Variants in NDUFAF6 observed in about 807,000 individuals in gnomAD.
The protein encoded by NDUFAF6 is NADH:ubiquinone oxidoreductase complex assembly factor 6.
Under a neutral mutation model 40.8 loss-of-function variants are expected in NDUFAF6, and 45 were observed. The ratio of observed to expected loss-of-function variants is 1.10; its 90% CI spans 0.87 to 1.42. The LOEUF (loss-of-function observed/expected upper bound fraction) is 1.42. Ranked by LOEUF, NDUFAF6 falls within the 40% of genes most tolerant of loss-of-function variation. The pLI, the probability that NDUFAF6 is intolerant of heterozygous loss-of-function variation, is 0.00. For missense variants in NDUFAF6, 435 were observed against 418.5 expected, an observed-to-expected ratio of 1.04 and a Z score of -0.34; for synonymous variants, 185 against 155.9, an observed-to-expected ratio of 1.19 and a Z score of -1.39.
intron 2 of NDUFAF6, among the ~76,000 whole-genome samples, chr8:95,006,142 G>A (rs938060176): frequency 3.9e-5 from 6 of 152,060 alleles, no homozygotes; most frequent in Non-Finnish European, 8.8e-5. Flanking sequence ...CAGATCACTT[G>A]AGGTCAGGAG....
chr8:94,917,616 TCA>T (rs954796001), intron 1 of NDUFAF6, among the ~76,000 whole-genome samples: 22 of 152,168 alleles, frequency 1.4e-4, no homozygotes, highest in African/African-American at 5.3e-4. Flanking sequence ...AAAGAATCTC[TCA>T]GTCTTAGAAA....
upstream of NDUFAF6, among the ~76,000 whole-genome samples, chr8:94,954,344 A>C (rs1822890604): frequency 6.6e-6 from 1 of 152,208 alleles, no homozygotes; most frequent in African/African-American, 2.4e-5. Flanking sequence ...TACAGGCATG[A>C]ACCACCACAC....
At chr8:94,907,461 G>C (rs1184509752) in intron 1 of NDUFAF6, among the ~76,000 whole-genome samples, 1 of 152,194 alleles carries the variant, frequency 6.6e-6, no homozygotes, top group African/African-American at 2.4e-5. Flanking sequence ...CTAGAAAAGG[G>C]TAGAGCTCAA....
intron 1 of NDUFAF6, among the ~76,000 whole-genome samples, chr8:94,959,678 A>G (rs1292370858): frequency 6.6e-6 from 1 of 151,944 alleles, no homozygotes; most frequent in Non-Finnish European, 1.5e-5. Context: ...CTACAGGTGC[A>G]TACCACCATG....
chr8:94,994,656 A>T (rs1390166688), intron 2 of NDUFAF6, among the ~76,000 whole-genome samples: 1 of 152,166 alleles, frequency 6.6e-6, no homozygotes, highest in Non-Finnish European at 1.5e-5. Context: ...CAACACAGTG[A>T]GACCCTGTCT....
intron 1 of NDUFAF6, among the ~76,000 whole-genome samples, chr8:94,906,002 G>T (rs1456559609): frequency 6.6e-6 from 1 of 152,112 alleles, no homozygotes; most frequent in Non-Finnish European, 1.5e-5. Flanking sequence ...TTAAAAAATT[G>T]TTTATATTTT....
upstream of NDUFAF6, among the ~76,000 whole-genome samples, chr8:94,953,818 TTTC>T (rs1348932090): frequency 1.3e-5 from 2 of 152,246 alleles, no homozygotes; most frequent in Non-Finnish European, 2.9e-5. Context: ...TTCTTTTTTT[TTTC>T]TTTTTGCATG....
At chr8:94,909,348 CAAAAAAAAAAAAAAAAAAAAAA>C (rs556065794) in intron 1 of NDUFAF6, among the ~76,000 whole-genome samples, 25 of 91,926 alleles carry the variant, frequency 2.7e-4, no homozygotes, top group African/African-American at 7.1e-4. Context: ...GACTCCGTCT[CAAAAAAAAAAAAAAAAAAAAAA>C]AAAAAAAAAA....
intron 8 of NDUFAF6, among the ~76,000 whole-genome samples, chr8:95,052,574 G>A (rs1831564545): frequency 6.6e-6 from 1 of 152,130 alleles, no homozygotes; most frequent in Admixed American, 6.6e-5. Flanking sequence ...ACTACTTTGT[G>A]GGATTGTTAG....
intron 1 of NDUFAF6, among the ~76,000 whole-genome samples, chr8:94,912,551 C>CT (rs1818848680): frequency 6.6e-6 from 1 of 151,968 alleles, no homozygotes; most frequent in African/African-American, 2.4e-5. Flanking sequence ...AATCCCAGCA[C>CT]TTTGGGAGGC....
At chr8:94,932,931 T>C (rs1820567593) in intron 1 of NDUFAF6, among the ~76,000 whole-genome samples, 1 of 152,256 alleles carries the variant, frequency 6.6e-6, no homozygotes, top group Non-Finnish European at 1.5e-5. Context: ...ATTCAGTGCA[T>C]TCTGGCCGAG....
At chr8:94,953,672 G>C (rs1474223254), upstream of NDUFAF6, among the ~76,000 whole-genome samples, 1 of 152,224 alleles carries the variant, frequency 6.6e-6, no homozygotes, top group Non-Finnish European at 1.5e-5. Context: ...ATCATGAATT[G>C]CTTTGTTAGG....
chr8:95,052,123 AGT>A (rs1426684295), intron 7 of NDUFAF6, 49 bp from the exon 8 acceptor site: 6 of 1,548,584 alleles, frequency 3.9e-6, no homozygotes, highest in East Asian at 2.2e-5. Context: ...TCAGAGGGAG[AGT>A]GTTTATTTGC....
chr8:95,006,866 G>A (rs1159278224), intron 2 of NDUFAF6, among the ~76,000 whole-genome samples: 2 of 151,948 alleles, frequency 1.3e-5, no homozygotes, highest in African/African-American at 4.8e-5. Flanking sequence ...CTGGGTAACA[G>A]AACCAGACTT....
chr8:95,082,150 A>G (rs1050730796), intron 2 of NDUFAF6, among the ~76,000 whole-genome samples: 4 of 152,044 alleles, frequency 2.6e-5, no homozygotes, highest in African/African-American at 9.7e-5. Context: ...AAATAACTGA[A>G]GTAAGAGGAA....
At chr8:95,056,245 T>G (rs1305672120) in intron 8 of NDUFAF6, among the ~76,000 whole-genome samples, 2 of 151,886 alleles carry the variant, frequency 1.3e-5, no homozygotes, top group Non-Finnish European at 2.9e-5. Flanking sequence ...TTTTTTTTTT[T>G]GAGATGGGGT....
Position 95,057,864 on chromosome 8 carries a change from A to C in NDUFAF6, c.929A>C (p.His310Pro). The part of the protein sequence containing the change: ...KIQRVDFDIF[H>P]PSLQQKNTLL... ...CAGCGAGTGGATTTTGATATATTCCACCCATCTTTACAGCAGAAGAATACA... is the reference window on the plus strand; with the variant it reads ...CAGCGAGTGGATTTTGATATATTCCCCCCATCTTTACAGCAGAAGAATACA... The change falls in exon 9 of 9, where the codon CAC becomes CCC. Residue 310 changes from histidine to proline, a missense_variant. Physicochemically the swap from His to Pro is moderately conservative, Grantham distance 77. Transcript: ENST00000396124. The C allele has an allele frequency of 6.2e-7, 1 of 1,607,618 alleles. No homozygotes were observed. The highest frequency in any genetic ancestry group is 8.5e-7 in the Non-Finnish European group (1 of 1,174,688).
At chr8:95,105,058 CACACACACAGAGAGAGAGAGAGAGAGAG>C (rs1287826228), downstream of NDUFAF6, among the ~76,000 whole-genome samples, 1 of 62,338 alleles carries the variant, frequency 1.6e-5, no homozygotes, top group Non-Finnish European at 2.9e-5. Flanking sequence ...CACACACACA[CACACACACAGAGAGAGAGAGAGAGAGAG>C]AGAGAGAGAG....
chr8:95,074,103 T>C (rs998418010), intron 9 of NDUFAF6, among the ~76,000 whole-genome samples: 3 of 152,228 alleles, frequency 2.0e-5, no homozygotes, highest in African/African-American at 2.4e-5. Flanking sequence ...TGGAACAAGG[T>C]TGGCTATGAT....
Sources: gnomAD v4.1 joint callset for allele counts (sites outside exome capture counted in the v4.1 genomes callset) on GRCh38, gnomAD v4.1.1 for gene constraint, MANE v1.5 for transcripts, NCBI Gene and HGNC (gene_info 2026-07-23, HGNC 2026-07-21) for gene names.